The following LRRN4 variants were observed in gnomAD, a reference collection of about 807,000 sequenced individuals.
LRRN4 encodes leucine-rich repeat neuronal protein 4.
Under a neutral mutation model 22.3 loss-of-function variants are expected in LRRN4, and 26 were observed. That is an observed-to-expected ratio of 1.16 (90% CI 0.85 to 1.62). The LOEUF is 1.62. Among genes scored for constraint, LRRN4 ranks in the 40% most tolerant of loss-of-function variants. The pLI is 0.00. For synonymous variants in LRRN4, 496 were observed against 486.2 expected (o/e 1.02, Z -0.26); for missense variants, 1,070 against 1,008.5 (o/e 1.06, Z -0.83).
Position 6,052,610 on chromosome 20 carries a change from G to C in LRRN4, c.190C>G (p.Arg64Gly). The C allele has an allele frequency of 1.3e-6, 2 of 1,587,958 alleles. No homozygotes were observed. The highest frequency in any genetic ancestry group is 8.5e-7 in the Non-Finnish European group (1 of 1,174,804). Residue 64 changes from arginine (R) to glycine (G), a missense_variant, in exon 2 of 5, where the codon CGC (arginine) becomes GGC (glycine). Arg to Gly is a moderately radical substitution (Grantham distance 125, BLOSUM62 -2). Coordinates refer to ENST00000378858, the MANE Select transcript of LRRN4 (RefSeq NM_152611.5). Reference sequence around the variant, plus strand: ...CAGCCGGGCAGGCGCTCCAGGTTGCGGTTCGCCAGGGTCAAGGCCGTCGCA... The same window carrying C: ...CAGCCGGGCAGGCGCTCCAGGTTGCCGTTCGCCAGGGTCAAGGCCGTCGCA... ...ADATALTLAN[R>G]NLERLPGCLP...
intron 3 of LRRN4, among the ~76,000 whole-genome samples, chr20:6,048,381 T>C (rs1203522942): frequency 6.6e-6 from 1 of 152,206 alleles, no homozygotes; most frequent in Non-Finnish European, 1.5e-5. Flanking sequence ...TGGCTTCAAA[T>C]ATCATCTTTA....
rs1357474638 is a variant in LRRN4 at position 6,041,193 on chromosome 20, G to GA, written c.2051dup (p.Ser685LeufsTer46). 15 of 1,591,878 alleles carry GA rather than the reference G, an allele frequency of 9.4e-6. No homozygotes were observed. The highest frequency in any genetic ancestry group is 1.3e-5 in the Non-Finnish European group (15 of 1,167,540). ...GGCCGCTGGCGGCGCACAGCCCAGAGAGCAGGAGCGCGAAGCTGGGCTTGG... is the reference window on the plus strand; with the variant it reads ...GGCCGCTGGCGGCGCACAGCCCAGAGAAGCAGGAGCGCGAAGCTGGGCTTGG... On this transcript the variant is annotated frameshift_variant, in exon 5 of 5. Coordinates refer to ENST00000378858, the MANE Select transcript of LRRN4 (RefSeq NM_152611.5). LOFTEE classifies it low-confidence loss of function (END_TRUNC). This position sits in a 1 kb window ranked among gnomAD's most constrained non-coding sequence, Gnocchi z 9.4.
Position 6,041,745 on chromosome 20 carries a change from G to A in LRRN4, c.1500C>T (p.Gly500=). ...WDRSISSPQP[G]QRTHATPQAP... is the part of the protein sequence containing the mutation. ...CTTGGGGTGTGGCGTGTGTCCTCTG[G>A]CCGGGCTGAGGCGAGCTTATGCTGC... Residue 500 remains glycine, a synonymous_variant, in exon 5 of 5, where the codon GGC becomes GGT. Transcript: ENST00000378858. This position sits in a 1 kb window ranked among gnomAD's most constrained non-coding sequence, Gnocchi z 9.4. 1.2e-6 allele frequency: 2 copies of A among 1,613,906 alleles called. No individual in the cohort carries two copies. Among genetic ancestry groups the A allele is most frequent in the Non-Finnish European group, 1.7e-6 (2 of 1,179,892 alleles).
At chr20:6,053,369 A>T (rs1247665641) in intron 1 of LRRN4, among the ~76,000 whole-genome samples, 1 of 152,190 alleles carries the variant, frequency 6.6e-6, no homozygotes, top group Non-Finnish European at 1.5e-5. Flanking sequence ...TCTTGGCAGC[A>T]TGCTCAGGGT....
rs1981324175 is a variant in LRRN4, at chr20:6,053,819, G to A, written c.-6+11C>T. The A allele has an allele frequency of 6.6e-6, 1 of 152,292 alleles. No individual in the cohort carries two copies. Among genetic ancestry groups the A allele is most frequent in the South Asian group, 2.1e-4 (1 of 4,830 alleles). The allele number at this position is 152,292 out of a possible 1,614,324, so 9.4% of individuals were successfully genotyped here. On this transcript the variant is annotated intron_variant, in intron 1 of 4. Transcript: ENST00000378858. ...CAGGAGCGTGTGCACCCAGCAGTGT[G>A]TCATGCTTACCTGGAAGTGGTCCTT...
At chr20:6,042,918 CA>C (rs11482044) in intron 4 of LRRN4, among the ~76,000 whole-genome samples, 16,626 of 124,016 alleles carry the variant, frequency 0.13, 946 homozygotes, top group Middle Eastern at 0.27. Context: ...GACTCTGTCT[CA>C]AAAAAAAAAA....
rs957807309 is a variant in LRRN4 at position 6,041,335 on chromosome 20, G to C, written c.1910C>G (p.Pro637Arg). 1.3e-6 allele frequency: 2 copies of C among 1,597,638 alleles called. No individual in the cohort carries two copies. Among genetic ancestry groups the C allele is most frequent in the African/African-American group, 1.3e-5 (1 of 74,896 alleles). The change falls in exon 5 of 5, where the codon CCT becomes CGT. Residue 637 changes from proline to arginine, a missense_variant. Transcript: ENST00000378858. The surrounding 1 kb of genome is among the most constrained non-coding windows in gnomAD (Gnocchi z 9.4). ...GGTGCCCGGCGACAGCCCGTACAGAGGGTGCTGCCGGGCCGTGGCGTAGAT... is the reference window on the plus strand; with the variant it reads ...GGTGCCCGGCGACAGCCCGTACAGACGGTGCTGCCGGGCCGTGGCGTAGAT... Reference protein sequence around the residue: ...GVIYATARQHPLYGLSPGTTY... With the variant: ...GVIYATARQHRLYGLSPGTTY...
Position 6,045,111 on chromosome 20 carries a change from G to A in LRRN4, c.861-431C>T, listed in dbSNP as rs771799151. Among the ~76,000 whole-genome samples the A allele has an allele frequency of 4.7e-5, 7 of 148,476 alleles. 1 individual carries two copies. Among genetic ancestry groups the A allele is most frequent in the Non-Finnish European group, 1.1e-4 (7 of 66,420 alleles). ...CTTACATTGTCTCATATCAACTGGG[G>A]ACAATATTCCCATGACTGATCGTTG... On this transcript the variant is annotated intron_variant, in intron 3 of 4. Coordinates refer to ENST00000378858, the MANE Select transcript of LRRN4 (RefSeq NM_152611.5).
intron 3 of LRRN4, among the ~76,000 whole-genome samples, chr20:6,045,300 G>A (rs939712520): frequency 6.8e-6 from 1 of 147,956 alleles, no homozygotes; most frequent in Admixed American, 6.8e-5. Flanking sequence ...TTAGCCGGGC[G>A]GTAGTGGTGC....
Position 6,041,527 on chromosome 20 carries a change from A to C in LRRN4, c.1718T>G (p.Leu573Arg). 1 of 1,552,756 alleles carries C rather than the reference A, an allele frequency of 6.4e-7. No individual in the cohort carries two copies. Among genetic ancestry groups the C allele is most frequent in the Non-Finnish European group, 8.7e-7 (1 of 1,148,696 alleles). Residue 573 changes from leucine (L) to arginine (R), a missense_variant, in exon 5 of 5, where the codon CTC (leucine) becomes CGC (arginine). Leu to Arg is a moderately radical substitution (Grantham distance 102). Transcript: ENST00000378858. This position sits in a 1 kb window ranked among gnomAD's most constrained non-coding sequence, Gnocchi z 9.4. ...QRRWRCRCPG[L>R]SGEDTIPDPP... is the part of the protein sequence containing the mutation. ...GTCTGGGATGGTGTCTTCCCCGCTG[A>C]GGCCGGGGCACCGGCACCGCCACCG... is the stretch of plus-strand genomic sequence containing the variant.
In LRRN4 at chr20:6,041,326, CCGTACAGAGGGTGCTGCCGGG is replaced by C. The variant is rs1462169365; in HGVS notation, c.1898_1918del (p.Ala633_Tyr639del). The C allele has an allele frequency of 6.3e-7, 1 of 1,598,348 alleles. No homozygotes were observed. Among genetic ancestry groups the C allele is most frequent in the South Asian group, 1.1e-5 (1 of 90,466 alleles). On this transcript the variant is annotated inframe_deletion, in exon 5 of 5. Transcript: ENST00000378858. This position sits in a 1 kb window ranked among gnomAD's most constrained non-coding sequence, Gnocchi z 9.4. ...GCGGTAGGTGGTGCCCGGCGACAGC[CCGTACAGAGGGTGCTGCCGGG>C]CCGTGGCGTAGATGACCCCCACCAC...
Position 6,048,447 on chromosome 20 carries a change from T to C in LRRN4, c.860+2332A>G, listed in dbSNP as rs187097783. Among the ~76,000 whole-genome samples, 463 of 152,332 alleles carry C rather than the reference T, an allele frequency of 3.0e-3. 2 individuals are homozygous for C. The highest frequency in any genetic ancestry group is 9.8e-3 in the African/African-American group (409 of 41,562). On this transcript the variant is annotated intron_variant, in intron 3 of 4. Coordinates refer to ENST00000378858, the MANE Select transcript of LRRN4 (RefSeq NM_152611.5). Reference sequence around the variant, plus strand: ...TCTCCTCCTCCAAGCTTCAGTCTGATGCAGCATTGTGTTTAAGGTATCAGA... The same window carrying C: ...TCTCCTCCTCCAAGCTTCAGTCTGACGCAGCATTGTGTTTAAGGTATCAGA...
intron 1 of LRRN4, among the ~76,000 whole-genome samples, chr20:6,053,426 T>C (rs1457815599): frequency 1.3e-5 from 2 of 152,086 alleles, no homozygotes; most frequent in African/African-American, 4.8e-5. Flanking sequence ...GAGTCAAACA[T>C]TTGCTGGTCC....
rs1981282649 is a variant in LRRN4, at chr20:6,052,491, C to A, written c.309G>T (p.Val103=). ...CGATGCGGTTGTGGCGCAGGGTCAG[C>A]ACCTGCAGCTGCTCCAGGTGGCCGA... ...SELGHLEQLQ[V]LTLRHNRIAA... The change falls in exon 2 of 5, where the codon GTG becomes GTT. Residue 103 remains valine (V), a synonymous_variant. Transcript: ENST00000378858. 2 of 1,576,454 alleles carry A rather than the reference C, an allele frequency of 1.3e-6. No homozygotes were observed. The highest frequency in any genetic ancestry group is 2.7e-5 in the African/African-American group (2 of 74,418).
chr20:6,043,410 G>C (rs2069986874), intron 4 of LRRN4, among the ~76,000 whole-genome samples: 1 of 152,144 alleles, frequency 6.6e-6, no homozygotes, highest in Admixed American at 6.5e-5. Flanking sequence ...GCAAGACCCT[G>C]TCTCTAAAAT....
chr20:6,045,229 A>C (rs894415422), intron 3 of LRRN4, among the ~76,000 whole-genome samples: 4 of 148,448 alleles, frequency 2.7e-5, no homozygotes, highest in African/African-American at 9.8e-5. Context: ...ATTTGAGGTT[A>C]GGAGTTCGAG....
In LRRN4 at chr20:6,052,457, GCA is replaced by G; in HGVS notation, c.341_342del (p.Leu114ProfsTer103). The G allele has an allele frequency of 6.4e-7, 1 of 1,558,240 alleles. No individual in the cohort carries two copies. Among genetic ancestry groups the G allele is most frequent in the East Asian group, 2.3e-5 (1 of 42,612 alleles). On this transcript the variant is annotated frameshift_variant, in exon 2 of 5. Coordinates refer to ENST00000378858, the MANE Select transcript of LRRN4 (RefSeq NM_152611.5). LOFTEE classifies it high-confidence loss of function. ...LTLRHNRIAA[L>X]RWGPGGPAGL... is the part of the protein sequence containing the mutation. ...CCCGCCGGCCCACCCGGGCCCCAGC[GCA>G]GCGCGGCGATGCGGTTGTGGCGCAG... is the stretch of plus-strand genomic sequence containing the variant.
At chr20:6,045,449 C>T (rs986961489) in intron 3 of LRRN4, among the ~76,000 whole-genome samples, 4 of 148,022 alleles carry the variant, frequency 2.7e-5, no homozygotes, top group African/African-American at 9.8e-5. Flanking sequence ...AAAAATAAAA[C>T]AAAACAAAAC....
At position 6,052,445 on chromosome 20, in the gene LRRN4, C is replaced by G. The variant is rs1445200293; in HGVS notation, c.355G>C (p.Gly119Arg). 6.4e-6 allele frequency: 10 copies of G among 1,552,456 alleles called. No homozygotes were observed. The highest frequency in any genetic ancestry group is 1.9e-5 in the Admixed American group (1 of 52,886). Residue 119 changes from glycine (G) to arginine (R), a missense_variant, in exon 2 of 5, where the codon GGT (glycine) becomes CGT (arginine). Gly to Arg is a moderately radical substitution (Grantham distance 125, BLOSUM62 -2). Transcript: ENST00000378858. ...AGGGTGTGCAGCCCCGCCGGCCCAC[C>G]CGGGCCCCAGCGCAGCGCGGCGATG... ...NRIAALRWGP[G>R]GPAGLHTLDL...
Sources: allele counts gnomAD v4.1 joint callset (sites outside exome capture counted in the v4.1 genomes callset), GRCh38; gene constraint gnomAD v4.1.1; non-coding constraint Gnocchi (gnomAD v3.1); transcripts MANE v1.5; gene names NCBI Gene and HGNC (gene_info 2026-07-23, HGNC 2026-07-21).